TRABD2B: variants seen among roughly 807,000 people sequenced by gnomAD.
TRABD2B encodes the protein TraB domain containing 2B, also known as metalloprotease TIKI2.
Under a neutral mutation model 40.1 loss-of-function variants are expected in TRABD2B, and 14 were observed. That is an observed-to-expected ratio of 0.35 (90% CI 0.23 to 0.55). The LOEUF is 0.55. Among genes scored for constraint, TRABD2B ranks in the 20% least tolerant of loss-of-function variants. The pLI is 0.90. For synonymous variants in TRABD2B, 263 were observed against 277.0 expected (o/e 0.95, Z 0.50); for missense variants, 541 against 648.6 (o/e 0.83, Z 1.80).
At chr1:47,802,093 C>T (rs1644831535) in intron 2 of TRABD2B, among the ~76,000 whole-genome samples, 1 of 152,234 alleles carries the variant, frequency 6.6e-6, no homozygotes, top group African/African-American at 2.4e-5. Flanking sequence ...AAGCCTTCCT[C>T]ACCCAGGGAA....
intron 2 of TRABD2B, among the ~76,000 whole-genome samples, chr1:47,993,601 G>A (rs763575928): frequency 6.6e-6 from 1 of 151,960 alleles, no homozygotes; most frequent in African/African-American, 2.4e-5. Context: ...GCTCAGCCCT[G>A]GGAGCCATGC....
chr1:47,891,697 G>T (rs1274852259), intron 2 of TRABD2B, among the ~76,000 whole-genome samples: 1 of 152,134 alleles, frequency 6.6e-6, no homozygotes, highest in Admixed American at 6.6e-5. Context: ...AGCAACTTGG[G>T]AGACAGAGAT....
intron 2 of TRABD2B, among the ~76,000 whole-genome samples, chr1:47,981,716 A>G (rs534076159): frequency 7.9e-5 from 12 of 152,354 alleles, no homozygotes; most frequent in African/African-American, 2.9e-4. Context: ...CAGTTTAATA[A>G]TAACTAATTC....
At chr1:47,894,100 G>A (rs1644485535) in intron 2 of TRABD2B, among the ~76,000 whole-genome samples, 1 of 152,170 alleles carries the variant, frequency 6.6e-6, no homozygotes, top group Non-Finnish European at 1.5e-5. Context: ...CTCGGCGCAT[G>A]GGGAGGCACT....
At chr1:47,975,155 T>C (rs560800279) in intron 2 of TRABD2B, among the ~76,000 whole-genome samples, 13 of 152,330 alleles carry the variant, frequency 8.5e-5, no homozygotes, top group African/African-American at 2.6e-4. Flanking sequence ...ATATGGACTT[T>C]AGTTAATAAT....
intron 2 of TRABD2B, among the ~76,000 whole-genome samples, chr1:47,979,586 C>T (rs1296883704): frequency 1.3e-5 from 2 of 152,190 alleles, no homozygotes; most frequent in South Asian, 4.1e-4. Flanking sequence ...CAAGGATCCT[C>T]CCATCCCCCA....
Position 47,996,489 on chromosome 1 carries a change from G to T in TRABD2B, c.102+199C>A, listed in dbSNP as rs1378986639. Among the ~76,000 whole-genome samples the T allele has an allele frequency of 6.6e-6, 1 of 152,170 alleles. No individual in the cohort carries two copies. Among genetic ancestry groups the T allele is most frequent in the Non-Finnish European group, 1.5e-5 (1 of 68,024 alleles). On this transcript the variant is annotated intron_variant, in intron 1 of 6. Transcript: ENST00000606738. This position sits in a 1 kb window ranked among gnomAD's most constrained non-coding sequence, Gnocchi z 4.6. ...AGCGTGTGGAGAAGGAACCGGAGAG[G>T]GAGCGCCCCTTCTCGCTCCTGGCTG...
At chr1:47,966,928 T>TA (rs1320739720) in intron 2 of TRABD2B, among the ~76,000 whole-genome samples, 1 of 151,138 alleles carries the variant, frequency 6.6e-6, no homozygotes, top group Non-Finnish European at 1.5e-5. Flanking sequence ...TAAAATAAAA[T>TA]AAAATAAAAT....
chr1:47,983,675 A>G lies in TRABD2B; in HGVS notation c.666+10359T>C, dbSNP rs564184506. 1.5e-3 allele frequency among the ~76,000 whole-genome samples: 223 copies of G among 151,386 alleles called. 1 individual carries two copies. The highest frequency in any genetic ancestry group is 4.9e-3 in the African/African-American group (202 of 41,230). On this transcript the variant is annotated intron_variant, in intron 2 of 6. Transcript: ENST00000606738. ...GTGGATGCTGGAGCCACCCAGCTGGATATCTGGGGGTCCCAACGCCTGGCA... is the reference window on the plus strand; with the variant it reads ...GTGGATGCTGGAGCCACCCAGCTGGGTATCTGGGGGTCCCAACGCCTGGCA...
chr1:47,951,437 C>T (rs1000943849), intron 2 of TRABD2B, among the ~76,000 whole-genome samples: 6 of 152,152 alleles, frequency 3.9e-5, no homozygotes, highest in Non-Finnish European at 7.3e-5. Context: ...GAGCCAGGAC[C>T]CTGAGCCTAG....
At chr1:47,874,990 G>A (rs1644203319) in intron 2 of TRABD2B, among the ~76,000 whole-genome samples, 1 of 152,046 alleles carries the variant, frequency 6.6e-6, no homozygotes, top group African/African-American at 2.4e-5. Context: ...AACTCAGTCT[G>A]TCCTCACACA....
At chr1:47,875,674 C>CAAAAAAAAAAAAAAAAAAAAA (rs10541556) in intron 2 of TRABD2B, among the ~76,000 whole-genome samples, 1 of 75,928 alleles carries the variant, frequency 1.3e-5, no homozygotes, top group Non-Finnish European at 2.5e-5. Context: ...AACCCTGTCT[C>CAAAAAAAAAAAAAAAAAAAAA]AAAAAAAAAA....
In TRABD2B at chr1:47,863,854, G is replaced by A. The variant is rs188590267; in HGVS notation, c.667-62235C>T. Among the ~76,000 whole-genome samples the A allele has an allele frequency of 2.4e-4, 37 of 152,234 alleles. 1 individual carries two copies. The highest frequency in any genetic ancestry group is 2.1e-3 in the Admixed American group (32 of 15,302). On this transcript the variant is annotated intron_variant, in intron 2 of 6. Transcript: ENST00000606738. ...GAACTTGGAAGCAACCATGATGTCC[G>A]TCAGTAGATTAATGGATAAATAAAC...
At chr1:47,788,247 T>C (rs2124171215) in intron 4 of TRABD2B, among the ~76,000 whole-genome samples, 1 of 152,324 alleles carries the variant, frequency 6.6e-6, no homozygotes, top group South Asian at 2.1e-4. Context: ...TTATGAATTT[T>C]AAAAGGTGTT....
chr1:47,967,274 T>C lies in TRABD2B; in HGVS notation c.666+26760A>G, dbSNP rs140612345. Among the ~76,000 whole-genome samples, 140 of 152,016 alleles carry C rather than the reference T, an allele frequency of 9.2e-4. 3 individuals carry two copies. In the South Asian group the frequency reaches 0.027, roughly 29 times the overall value. On this transcript the variant is annotated intron_variant, in intron 2 of 6. Transcript: ENST00000606738. ...GTGCTTAGAGACAGCCCTTCAGAAA[T>C]TGAATTAGCTGAGTTATCCACCCCT...
intron 2 of TRABD2B, among the ~76,000 whole-genome samples, chr1:47,960,524 A>G (rs1407779034): frequency 6.6e-6 from 1 of 152,230 alleles, no homozygotes; most frequent in African/African-American, 2.4e-5. Context: ...AAGTCTCAGG[A>G]TACAAAATCA....
chr1:47,947,392 C>T (rs1645274088), intron 2 of TRABD2B, among the ~76,000 whole-genome samples: 1 of 152,170 alleles, frequency 6.6e-6, no homozygotes, highest in Non-Finnish European at 1.5e-5. Flanking sequence ...AGGCACCAAA[C>T]ACCCAGGAGT....
intron 5 of TRABD2B, among the ~76,000 whole-genome samples, chr1:47,777,277 A>AT (rs986094115): frequency 6.6e-6 from 1 of 152,176 alleles, no homozygotes; most frequent in African/African-American, 2.4e-5. Context: ...CTACCTTGGA[A>AT]TCCCCAACCC....
At chr1:47,962,130 A>G (rs193120658) in intron 2 of TRABD2B, among the ~76,000 whole-genome samples, 5 of 150,776 alleles carry the variant, frequency 3.3e-5, no homozygotes, top group South Asian at 2.1e-4. Context: ...GCCAAACACC[A>G]CATGTTCTCA....
Sources: gnomAD v4.1 joint callset for allele counts (sites outside exome capture counted in the v4.1 genomes callset) on GRCh38, gnomAD v4.1.1 for gene constraint, Gnocchi (gnomAD v3.1) non-coding constraint, MANE v1.5 for transcripts, NCBI Gene and HGNC (gene_info 2026-07-23, HGNC 2026-07-21) for gene names.